The following ZNF136 variants were observed in gnomAD, a reference collection of about 807,000 sequenced individuals.
ZNF136 encodes zinc finger protein 136, also known as zinc finger protein 136 (clone pHZ-20).
ZNF136 carries 8 observed loss-of-function variants against 11.4 expected under a neutral mutation model. The observed-to-expected ratio is 0.70, with a 90% CI of 0.41 to 1.27. ZNF136 has a LOEUF of 1.27. ZNF136 is among the 50% of genes most tolerant of loss of function. The probability of loss-of-function intolerance (pLI) is 0.01; values close to 1 mark genes in which losing one functional copy is unlikely to be tolerated. For missense variants in ZNF136, 590 were observed against 656.5 expected (o/e 0.90, Z 1.11); for synonymous variants, 190 against 207.1 (o/e 0.92, Z 0.71).
Position 12,187,660 on chromosome 19 carries a change from G to C in ZNF136, c.1282G>C (p.Ala428Pro), listed in dbSNP as rs747715782. 6 of 1,613,938 alleles carry C rather than the reference G, an allele frequency of 3.7e-6. No homozygotes were observed. Among genetic ancestry groups the C allele is most frequent in the Non-Finnish European group, 4.2e-6 (5 of 1,180,020 alleles). The part of the protein sequence containing the change: ...KPYVCKHCGK[A>P]FVSSTSIRIH... Reference sequence around the variant, plus strand: ...TTATGTATGTAAACATTGTGGTAAAGCTTTCGTTTCTTCAACATCAATTCG... The same window carrying C: ...TTATGTATGTAAACATTGTGGTAAACCTTTCGTTTCTTCAACATCAATTCG... The change falls in exon 4 of 4, where the codon GCT becomes CCT. Residue 428 changes from alanine (A) to proline (P), a missense_variant. By Grantham distance (27) the Ala-to-Pro change is conservative. Coordinates refer to ENST00000343979, the MANE Select transcript of ZNF136 (RefSeq NM_003437.5).
chr19:12,170,031 T>C (rs898957616), intron 1 of ZNF136, among the ~76,000 whole-genome samples: 1 of 149,480 alleles, frequency 6.7e-6, no homozygotes, highest in Admixed American at 6.9e-5. Context: ...CCTGACCTCG[T>C]GATCTGCCCA....
At chr19:12,163,368 G>A (rs928505758) in intron 1 of ZNF136, among the ~76,000 whole-genome samples, 162 bp downstream of exon 1, 22 of 152,336 alleles carry the variant, frequency 1.4e-4, no homozygotes, top group Admixed American at 1.1e-3. Context: ...CCTCAGGGTG[G>A]GGCTGGGCCG....
chr19:12,174,875 T>TTTTTTC (rs1568399881), intron 1 of ZNF136, among the ~76,000 whole-genome samples: 2 of 149,362 alleles, frequency 1.3e-5, no homozygotes, highest in East Asian at 3.9e-4. Context: ...TTTTTTTTTT[T>TTTTTTC]GAGACGGAAT....
intron 1 of ZNF136, among the ~76,000 whole-genome samples, chr19:12,172,751 C>T (rs1015230707): frequency 3.3e-5 from 5 of 152,164 alleles, no homozygotes; most frequent in Non-Finnish European, 5.9e-5. Context: ...TGGTGGCTCA[C>T]GCCTGTAATC....
At chr19:12,186,195 G>A in intron 3 of ZNF136, 21 bp downstream of exon 3, 1 of 1,599,036 alleles carries the variant, frequency 6.3e-7, no homozygotes, top group Non-Finnish European at 8.5e-7. Context: ...CTCAGAGAAA[G>A]CAAATTCACT....
At chr19:12,174,858 T>TTTTTC (rs1914750749) in intron 1 of ZNF136, among the ~76,000 whole-genome samples, 1 of 95,744 alleles carries the variant, frequency 1.0e-5, no homozygotes, top group Non-Finnish European at 2.0e-5. Flanking sequence ...GATGGCTTTC[T>TTTTTC]TTTTTTTTTT....
chr19:12,176,111 T>C (rs994932017), intron 1 of ZNF136, among the ~76,000 whole-genome samples: 4 of 152,184 alleles, frequency 2.6e-5, no homozygotes, highest in Admixed American at 2.6e-4. Context: ...TTGAAAATTA[T>C]GAATAACGCT....
At chr19:12,183,589 A>G (rs1024582288) in intron 1 of ZNF136, among the ~76,000 whole-genome samples, 3 of 151,386 alleles carry the variant, frequency 2.0e-5, no homozygotes, top group Non-Finnish European at 4.4e-5. Flanking sequence ...CTATCTATCT[A>G]TCTATCTATC....
chr19:12,164,211 C>T (rs1257856284), intron 1 of ZNF136, among the ~76,000 whole-genome samples: 1 of 152,126 alleles, frequency 6.6e-6, no homozygotes, highest in Admixed American at 6.6e-5. Context: ...CCCCAGTTTC[C>T]ATCCTTTGGA....
chr19:12,184,334 G>T (rs1267635303), intron 1 of ZNF136, among the ~76,000 whole-genome samples: 1 of 152,058 alleles, frequency 6.6e-6, no homozygotes, highest in African/African-American at 2.4e-5. Flanking sequence ...GCCGAGGTGG[G>T]CAGATCACGA....
intron 1 of ZNF136, among the ~76,000 whole-genome samples, chr19:12,170,586 C>A (rs955006940): frequency 1.3e-5 from 2 of 151,860 alleles, no homozygotes; most frequent in Non-Finnish European, 2.9e-5. Context: ...TGGGGTCTTG[C>A]CATGTTGCCC....
rs1977132283 is a variant in ZNF136, at chr19:12,163,112, C to T, written c.-92C>T. 1 of 1,344,990 alleles carries T rather than the reference C, an allele frequency of 7.4e-7. No individual in the cohort carries two copies. Among genetic ancestry groups the T allele is most frequent in the South Asian group, 2.1e-5 (1 of 47,526 alleles). The allele number at this position is 1,344,990 out of a possible 1,614,324, so 83.3% of individuals were successfully genotyped here. On this transcript the variant is annotated 5_prime_UTR_variant, in exon 1 of 4. Transcript: ENST00000343979. The stretch of plus-strand genomic sequence containing the variant: ...TTTCGCTTCGCTAGTCCCAGAGGCC[C>T]AGAGTGGCTCGCCTGGAGTCTCTGT...
chr19:12,164,287 G>T (rs1327942388), intron 1 of ZNF136, among the ~76,000 whole-genome samples: 1 of 152,058 alleles, frequency 6.6e-6, no homozygotes, highest in Non-Finnish European at 1.5e-5. Context: ...TTTTTTGTGT[G>T]TTTTGAAAGA....
In ZNF136 at chr19:12,188,080, G is replaced by T; in HGVS notation, c.*79G>T. The T allele has an allele frequency of 1.6e-6, 2 of 1,289,392 alleles. No homozygotes were observed. The highest frequency in any genetic ancestry group is 2.1e-6 in the Non-Finnish European group (2 of 973,134). 79.9% of individuals were successfully genotyped at this position (1,289,392 alleles called of 1,614,324 possible). On this transcript the variant is annotated 3_prime_UTR_variant, in exon 4 of 4. Coordinates refer to ENST00000343979, the MANE Select transcript of ZNF136 (RefSeq NM_003437.5). ...GAATGTAAGTAACGTGGGAAAGCATGAAATTCTGTCAGTGCCTTTTTTAAT... is the reference window on the plus strand; with the variant it reads ...GAATGTAAGTAACGTGGGAAAGCATTAAATTCTGTCAGTGCCTTTTTTAAT...
intron 1 of ZNF136, chr19:12,185,235 G>A (rs974108254): frequency 1.3e-5 from 2 of 152,216 alleles, no homozygotes; most frequent in African/African-American, 4.8e-5. Flanking sequence ...ATTGGTGGGA[G>A]TGTTTTATGC....
chr19:12,166,313 T>G (rs1027970291), intron 1 of ZNF136, among the ~76,000 whole-genome samples: 1 of 152,166 alleles, frequency 6.6e-6, no homozygotes, highest in African/African-American at 2.4e-5. Context: ...GTAGTATATG[T>G]GTAGTATGTT....
chr19:12,178,309 C>CAT, intron 1 of ZNF136, among the ~76,000 whole-genome samples: 1 of 152,316 alleles, frequency 6.6e-6, no homozygotes, highest in Middle Eastern at 3.4e-3. Context: ...TTGACATCCA[C>CAT]ATCCACAATG....
Position 12,166,031 on chromosome 19 carries a change from C to T in ZNF136, c.3+2825C>T, listed in dbSNP as rs988411298. ...TCACCTGAGGTCAGGAGTCTGAGAC[C>T]AGCCTGGCCAACCTGGTGAAAACTC... On this transcript the variant is annotated intron_variant, in intron 1 of 3. Coordinates refer to ENST00000343979, the MANE Select transcript of ZNF136 (RefSeq NM_003437.5). Among the ~76,000 whole-genome samples the T allele has an allele frequency of 2.0e-5, 3 of 151,266 alleles. No individual in the cohort carries two copies. The East Asian group carries it at 5.8e-4, about 29-fold the overall frequency.
intron 1 of ZNF136, among the ~76,000 whole-genome samples, chr19:12,174,630 ATTTC>A (rs1298377125): frequency 3.9e-5 from 6 of 151,966 alleles, no homozygotes; most frequent in African/African-American, 1.2e-4. Flanking sequence ...ACAAGCATTA[ATTTC>A]TTTCTTTCTT....
Sources: allele counts gnomAD v4.1 joint callset (sites outside exome capture counted in the v4.1 genomes callset), GRCh38; gene constraint gnomAD v4.1.1; transcripts MANE v1.5; gene names NCBI Gene and HGNC (gene_info 2026-07-23, HGNC 2026-07-21).